MID1: variants seen among roughly 807,000 people sequenced by gnomAD.
MID1 encodes the protein midline 1, also known as E3 ubiquitin-protein ligase Midline-1.
Under a neutral mutation model 40.4 loss-of-function variants are expected in MID1, and 7 were observed. The ratio of observed to expected loss-of-function variants is 0.17; its 90% CI spans 0.10 to 0.33. MID1 has a LOEUF of 0.33. MID1 is among the 10% of genes least tolerant of loss of function. The pLI is 1.00. For missense variants in MID1, 367 were observed against 558.5 expected (o/e 0.66, Z 3.46); for synonymous variants, 229 against 221.2 (o/e 1.04, Z -0.31).
At chrX:10,728,833 G>T (rs2043419832) in intron 1 of MID1, among the ~76,000 whole-genome samples, 1 of 112,015 alleles carries the variant, frequency 8.9e-6, no homozygotes, top group Admixed American at 9.5e-5. Context: ...GTCTGGAAAG[G>T]CAAGAAACTG....
chrX:10,480,547 C>T (rs1233870014), intron 5 of MID1, among the ~76,000 whole-genome samples: 2 of 112,181 alleles, frequency 1.8e-5, no homozygotes, highest in Non-Finnish European at 3.8e-5. Context: ...AGTGTAAACG[C>T]TATCTATTAG....
At chrX:10,637,249 T>C (rs1412820605) in intron 1 of MID1, among the ~76,000 whole-genome samples, 1 of 110,515 alleles carries the variant, frequency 9.0e-6, no homozygotes, top group Non-Finnish European at 1.9e-5. Context: ...TCAAACACAG[T>C]GAGGGTAAGT....
chrX:10,632,790 A>AT (rs752207216), intron 1 of MID1, among the ~76,000 whole-genome samples: 1,311 of 109,448 alleles, frequency 0.012, 6 homozygotes, highest in African/African-American at 0.024. Flanking sequence ...TGAGTTAAGA[A>AT]TTTTTTTTTT....
intron 2 of MID1, among the ~76,000 whole-genome samples, chrX:10,526,571 A>C (rs1293464603): frequency 1.8e-5 from 2 of 111,970 alleles, no homozygotes; most frequent in Admixed American, 9.5e-5. Flanking sequence ...TTCAATTGTC[A>C]TAAGTATGAC....
intron 1 of MID1, among the ~76,000 whole-genome samples, chrX:10,632,074 G>A (rs1002471928): frequency 9.0e-6 from 1 of 111,469 alleles, no homozygotes; most frequent in Non-Finnish European, 1.9e-5. Flanking sequence ...TTTCAATTAC[G>A]CTTGCATTGT....
chrX:10,792,719 T>C (rs1481636687), intron 1 of MID1, among the ~76,000 whole-genome samples: 2 of 111,678 alleles, frequency 1.8e-5, no homozygotes, highest in African/African-American at 6.5e-5. Flanking sequence ...GCTTAGTGGT[T>C]GCCAGGGGCT....
chrX:10,787,070 A>T (rs1270402333), intron 1 of MID1, among the ~76,000 whole-genome samples: 1 of 111,938 alleles, frequency 8.9e-6, no homozygotes, highest in East Asian at 2.8e-4. Context: ...ACAGTAGGAA[A>T]AGATACAGGT....
At chrX:10,594,147 T>C (rs1254632372) in intron 1 of MID1, among the ~76,000 whole-genome samples, 1 of 111,857 alleles carries the variant, frequency 8.9e-6, no homozygotes, top group East Asian at 2.8e-4. Context: ...TCTGTGTGTA[T>C]ATATATTTAT....
At chrX:10,796,697 C>A (rs1279230506) in intron 1 of MID1, among the ~76,000 whole-genome samples, 1 of 110,195 alleles carries the variant, frequency 9.1e-6, no homozygotes, top group African/African-American at 3.3e-5. Flanking sequence ...ACCTAGCATT[C>A]TTCTCTAAGA....
intron 1 of MID1, among the ~76,000 whole-genome samples, chrX:10,600,946 A>G (rs1489947064): frequency 3.6e-5 from 4 of 111,781 alleles, no homozygotes; most frequent in Non-Finnish European, 7.5e-5. Context: ...ATGGCTTTAA[A>G]ATTCACAGCT....
chrX:10,763,139 T>G (rs2043692744), intron 1 of MID1, among the ~76,000 whole-genome samples: 2 of 110,493 alleles, frequency 1.8e-5, no homozygotes, highest in African/African-American at 3.3e-5. Context: ...ATGGCTGGTT[T>G]TTTTTTTTTT....
intron 1 of MID1, among the ~76,000 whole-genome samples, chrX:10,733,603 G>C (rs2043467056): frequency 9.0e-6 from 1 of 111,332 alleles, no homozygotes; most frequent in Non-Finnish European, 1.9e-5. Context: ...CTTGGATATA[G>C]AATATATAAA....
At chrX:10,491,286 T>C (rs761269194) in intron 4 of MID1, among the ~76,000 whole-genome samples, 7 of 112,358 alleles carry the variant, frequency 6.2e-5, no homozygotes, top group Non-Finnish European at 1.3e-4. Context: ...CTGACAGCTG[T>C]TCTTGTTTGT....
intron 1 of MID1, among the ~76,000 whole-genome samples, chrX:10,810,586 T>C (rs753594067): frequency 9.0e-6 from 1 of 111,473 alleles, no homozygotes; most frequent in African/African-American, 3.3e-5. Context: ...TATTTAAATT[T>C]TGAAGAACCA....
intron 2 of MID1, among the ~76,000 whole-genome samples, chrX:10,532,549 A>C (rs2147387961): frequency 9.0e-6 from 1 of 111,417 alleles, no homozygotes; most frequent in Non-Finnish European, 1.9e-5. Context: ...AAAATAAATA[A>C]ATAAATAAAA....
At chrX:10,533,391 A>AAAAGAAAAG (rs1933092304) in intron 2 of MID1, among the ~76,000 whole-genome samples, 1 of 55,066 alleles carries the variant, frequency 1.8e-5, no homozygotes, top group African/African-American at 7.8e-5. Context: ...AGAAAGAAAG[A>AAAAGAAAAG]AAAGAAAGAA....
At chrX:10,593,907 T>C (rs991968543) in intron 1 of MID1, among the ~76,000 whole-genome samples, 3 of 111,019 alleles carry the variant, frequency 2.7e-5, no homozygotes, top group South Asian at 3.8e-4. Flanking sequence ...AGAACTCTGA[T>C]AGCTACTGAG....
At chrX:10,686,529 C>A (rs142139693) in intron 1 of MID1, among the ~76,000 whole-genome samples, 33 of 112,051 alleles carry the variant, frequency 2.9e-4, no homozygotes, top group Non-Finnish European at 3.8e-5. Flanking sequence ...TATTAATCTG[C>A]CTCTTGTCTG....
intron 4 of MID1, among the ~76,000 whole-genome samples, chrX:10,491,820 C>G (rs1171946279): frequency 8.9e-6 from 1 of 111,827 alleles, no homozygotes; most frequent in Non-Finnish European, 1.9e-5. Context: ...GAAATACTTG[C>G]TTTCAACCAA....
Sources: gnomAD v4.1 joint callset for allele counts (sites outside exome capture counted in the v4.1 genomes callset) on GRCh38, gnomAD v4.1.1 for gene constraint, MANE v1.5 for transcripts, NCBI Gene and HGNC (gene_info 2026-07-23, HGNC 2026-07-21) for gene names.